The following TPTE2 variants were observed in gnomAD, a reference collection of about 807,000 sequenced individuals.
The protein encoded by TPTE2 is phosphatidylinositol 3,4,5-trisphosphate 3-phosphatase TPTE2.
Under a neutral mutation model 78.6 loss-of-function variants are expected in TPTE2, and 53 were observed. The ratio of observed to expected loss-of-function variants is 0.67; its 90% CI spans 0.54 to 0.85. TPTE2 has a LOEUF of 0.85. TPTE2 is among the 40% of genes least tolerant of loss of function. The pLI is 0.00. For missense variants in TPTE2, 461 were observed against 623.0 expected (o/e 0.74, Z 2.77); for synonymous variants, 175 against 206.2 (o/e 0.85, Z 1.30).
chr13:19,552,163 T>G, the TPTE2 span, among the ~76,000 whole-genome samples: 90 of 152,332 alleles, frequency 5.9e-4, no homozygotes, highest in African/African-American at 2.1e-3. Context: ...GCAATGGTTT[T>G]ATGACTAAAG....
intron 1 of TPTE2, among the ~76,000 whole-genome samples, chr13:19,511,993 T>G (rs1316922865): frequency 6.6e-6 from 1 of 152,174 alleles, no homozygotes; most frequent in Non-Finnish European, 1.5e-5. Context: ...TAACATAGAC[T>G]GAAAGTATCT....
upstream of TPTE2, among the ~76,000 whole-genome samples, chr13:19,538,176 G>T (rs1280469884): frequency 6.6e-6 from 1 of 151,876 alleles, no homozygotes; most frequent in Non-Finnish European, 1.5e-5. Context: ...TTAAATCCTT[G>T]CCTACACCAG....
At chr13:19,439,415 A>G (rs1030035779) in intron 13 of TPTE2, among the ~76,000 whole-genome samples, 2 of 152,096 alleles carry the variant, frequency 1.3e-5, no homozygotes, top group Non-Finnish European at 2.9e-5. Context: ...GGGAAAGGGA[A>G]AGAAGAAAAA....
chr13:19,475,505 C>T (rs1394741484), intron 5 of TPTE2, 68 bp downstream of exon 8: 4 of 1,565,208 alleles, frequency 2.6e-6, no homozygotes, highest in Admixed American at 1.7e-5. Context: ...GGATTACAGG[C>T]GTGAGCCACT....
chr13:19,551,277 T>A, the TPTE2 span, among the ~76,000 whole-genome samples: 4 of 152,182 alleles, frequency 2.6e-5, no homozygotes, highest in Admixed American at 6.5e-5. Context: ...CACAGTATGC[T>A]GTATTATTGC....
At chr13:19,440,491 C>T (rs1225619155) in intron 13 of TPTE2, among the ~76,000 whole-genome samples, 2 of 152,152 alleles carry the variant, frequency 1.3e-5, no homozygotes, top group Non-Finnish European at 1.5e-5. Context: ...AGCCATGGGC[C>T]GGATGCAGTG....
exon 16 of TPTE2, chr13:19,432,520 G>A (rs967286034): frequency 1.9e-6 from 3 of 1,607,746 alleles, no homozygotes; most frequent in South Asian, 1.1e-5. Context: ...TATCCGTCTT[G>A]GAGGGAGATT....
chr13:19,427,342 C>A (rs1270298192), intron 17 of TPTE2, among the ~76,000 whole-genome samples: 5 of 151,864 alleles, frequency 3.3e-5, no homozygotes. Context: ...CCTGGCCTCC[C>A]GAAGTGCTGG....
upstream of TPTE2, among the ~76,000 whole-genome samples, chr13:19,537,796 G>A (rs1207994855): frequency 1.3e-5 from 2 of 150,668 alleles, no homozygotes; most frequent in African/African-American, 4.9e-5. Context: ...GTAGAGATGG[G>A]GTTTCACCAT....
chr13:19,515,334 T>G (rs1848180006), intron 1 of TPTE2, among the ~76,000 whole-genome samples: 1 of 152,240 alleles, frequency 6.6e-6, no homozygotes. Context: ...AATGGAAATG[T>G]GTGAGAAACA....
intron 17 of TPTE2, among the ~76,000 whole-genome samples, chr13:19,429,217 T>C (rs1176417621): frequency 1.3e-5 from 2 of 152,170 alleles, no homozygotes; most frequent in South Asian, 2.1e-4. Context: ...CATTGCATTA[T>C]AGAAGGAGAA....
rs190888888 is a variant in TPTE2 at position 19,529,131 on chromosome 13, A to T, written c.-44+7465T>A. On this transcript the variant is annotated intron_variant, in intron 1 of 17. Transcript: ENST00000390680. ...CAAGAATCTGTCTCAAAATAAATAA[A>T]TAATTAATTAATTAATGAAAACTTG... Among the ~76,000 whole-genome samples the T allele has an allele frequency of 4.2e-3, 643 of 152,228 alleles. 5 individuals are homozygous for T. The highest frequency in any genetic ancestry group is 0.026 in the South Asian group (127 of 4,820).
chr13:19,509,747 TA>T (rs760564953), intron 1 of TPTE2, among the ~76,000 whole-genome samples: 2 of 151,954 alleles, frequency 1.3e-5, no homozygotes, highest in Non-Finnish European at 2.9e-5. Context: ...ATTGTGGTAA[TA>T]AAAAAAGGTG....
chr13:19,455,731 C>A (rs1878503003), intron 10 of TPTE2, among the ~76,000 whole-genome samples: 1 of 151,760 alleles, frequency 6.6e-6, no homozygotes, highest in Non-Finnish European at 1.5e-5. Context: ...GAGTTTATTC[C>A]AAAAATAAAA....
At chr13:19,529,026 G>A (rs1407362802) in intron 1 of TPTE2, among the ~76,000 whole-genome samples, 2 of 152,198 alleles carry the variant, frequency 1.3e-5, no homozygotes, top group South Asian at 4.1e-4. Context: ...AGCTGAGGCA[G>A]GAGAATCACC....
chr13:19,555,113 A>G, the TPTE2 span, among the ~76,000 whole-genome samples: 4 of 152,216 alleles, frequency 2.6e-5, no homozygotes, highest in Non-Finnish European at 4.4e-5. Flanking sequence ...TCCAAGCACT[A>G]TGCCTGACGC....
intron 1 of TPTE2, among the ~76,000 whole-genome samples, chr13:19,496,847 G>T (rs4531583): frequency 0.096 from 14,591 of 152,216 alleles, 762 homozygotes; most frequent in Middle Eastern, 0.19. Flanking sequence ...CAGCGTGAGC[G>T]ACGCGGAAGA....
chr13:19,474,273 T>C (rs540081325), intron 5 of TPTE2, among the ~76,000 whole-genome samples, 198 bp from the exon 9 acceptor site: 1 of 152,284 alleles, frequency 6.6e-6, no homozygotes, highest in Non-Finnish European at 1.5e-5. Flanking sequence ...TTTCACCCAA[T>C]AGAAGCAGTT....
chr13:19,493,983 C>A (rs530526401), intron 1 of TPTE2, among the ~76,000 whole-genome samples: 1 of 152,314 alleles, frequency 6.6e-6, no homozygotes, highest in East Asian at 1.9e-4. Flanking sequence ...CACCTGCCTC[C>A]GTGGTGGCAG....
Sources: allele counts gnomAD v4.1 joint callset (sites outside exome capture counted in the v4.1 genomes callset), GRCh38; gene constraint gnomAD v4.1.1; transcripts MANE v1.5; gene names NCBI Gene and HGNC (gene_info 2026-07-23, HGNC 2026-07-21).